The following CHL1 variants were observed in gnomAD, a reference collection of about 807,000 sequenced individuals.
CHL1 encodes cell adhesion molecule L1 like.
In CHL1, 96 loss-of-function variants were observed where a neutral mutation model predicts 141.9. The observed-to-expected ratio is 0.68, with a 90% CI of 0.57 to 0.80. CHL1 has a LOEUF of 0.80. CHL1 is among the 30% of genes least tolerant of loss of function. The pLI is 0.00. For synonymous variants in CHL1, 613 were observed against 502.2 expected (o/e 1.22, Z -2.95); for missense variants, 1,820 against 1,457.2 (o/e 1.25, Z -4.05).
chr3:298,762 C>G (rs150168185), intron 2 of CHL1, among the ~76,000 whole-genome samples: 6 of 152,212 alleles, frequency 3.9e-5, no homozygotes, highest in African/African-American at 1.2e-4. Flanking sequence ...TATTATTTGA[C>G]CATATTCCTC....
chr3:197,835 G>T (rs1177576007), intron 1 of CHL1: 1 of 455,320 alleles, frequency 2.2e-6, no homozygotes, highest in Non-Finnish European at 4.4e-6. Context: ...GTCGCGGATG[G>T]TCCCTTCTTC....
chr3:210,317 G>C (rs1699801625), intron 1 of CHL1, among the ~76,000 whole-genome samples: 6 of 152,208 alleles, frequency 3.9e-5, no homozygotes, highest in Admixed American at 3.3e-4. Flanking sequence ...CTCATGAATT[G>C]TAGGTGAGGA....
intron 24 of CHL1, 52 bp downstream of exon 24, chr3:394,924 T>C (rs916261595): frequency 7.0e-7 from 1 of 1,432,590 alleles, no homozygotes; most frequent in Middle Eastern, 1.8e-4. Flanking sequence ...AGAGACTGCA[T>C]CTTTTTAAAC....
intron 1 of CHL1, among the ~76,000 whole-genome samples, chr3:199,001 C>G (rs1302591932): frequency 1.3e-5 from 2 of 152,130 alleles, no homozygotes; most frequent in African/African-American, 2.4e-5. Flanking sequence ...CAGAGTTTTT[C>G]TTTTGTAAAT....
At chr3:217,844 C>T (rs995270989) in intron 1 of CHL1, 6 of 152,190 alleles carry the variant, frequency 3.9e-5, no homozygotes, top group African/African-American at 1.4e-4. Flanking sequence ...TTTATATATA[C>T]AAACAAAACA....
At chr3:247,738 G>A (rs1218576457) in intron 2 of CHL1, 3 of 151,996 alleles carry the variant, frequency 2.0e-5, no homozygotes, top group Admixed American at 2.0e-4. Context: ...TAGCCAAGTG[G>A]GACCCTGGTC....
At chr3:222,469 A>T (rs1487514798) in intron 1 of CHL1, among the ~76,000 whole-genome samples, 1 of 152,194 alleles carries the variant, frequency 6.6e-6, no homozygotes, top group Admixed American at 6.5e-5. Flanking sequence ...TAATTACCCA[A>T]TCAAACCCAA....
chr3:399,873 T>G (rs1309162585), intron 26 of CHL1, among the ~76,000 whole-genome samples: 1 of 152,190 alleles, frequency 6.6e-6, no homozygotes, highest in Non-Finnish European at 1.5e-5. Flanking sequence ...ACTGGTCAAT[T>G]TTGTTGGTGT....
At chr3:238,591 G>C (rs895834120) in intron 1 of CHL1, among the ~76,000 whole-genome samples, 7 of 152,022 alleles carry the variant, frequency 4.6e-5, no homozygotes, top group African/African-American at 1.7e-4. Flanking sequence ...CCCCGACCTG[G>C]ACTTAAGGAA....
intron 1 of CHL1, among the ~76,000 whole-genome samples, chr3:229,257 A>G (rs1313866743): frequency 6.6e-6 from 1 of 152,122 alleles, no homozygotes. Context: ...TTTTTTCCTA[A>G]TTGTTATGTC....
intron 4 of CHL1, among the ~76,000 whole-genome samples, chr3:327,188 A>T (rs546834149): frequency 6.6e-6 from 1 of 152,100 alleles, no homozygotes; most frequent in South Asian, 2.1e-4. Context: ...ATACATGTCC[A>T]TTGAAGGTTT....
intron 1 of CHL1, among the ~76,000 whole-genome samples, chr3:242,327 T>C (rs534186250): frequency 4.2e-5 from 6 of 142,962 alleles, no homozygotes; most frequent in Non-Finnish European, 9.3e-5. Context: ...CTGAGCGCGG[T>C]GGCTCACGCC....
intron 19 of CHL1, among the ~76,000 whole-genome samples, chr3:386,992 G>T (rs1425345026): frequency 6.6e-6 from 1 of 152,094 alleles, no homozygotes; most frequent in Non-Finnish European, 1.5e-5. Context: ...AAAACATGTT[G>T]TACATAATAA....
intron 17 of CHL1, 64 bp from the exon 18 acceptor site, chr3:382,410 A>C (rs187841498): frequency 7.4e-6 from 11 of 1,492,168 alleles, no homozygotes; most frequent in Non-Finnish European, 7.5e-6. Flanking sequence ...ATTGAGTATA[A>C]ATTTTGGTAT....
chr3:321,665 C>T (rs1424322824), intron 3 of CHL1, among the ~76,000 whole-genome samples: 1 of 152,116 alleles, frequency 6.6e-6, no homozygotes, highest in African/African-American at 2.4e-5. Flanking sequence ...TCCTGGCCCA[C>T]ATTTTTATTC....
intron 1 of CHL1, among the ~76,000 whole-genome samples, chr3:239,622 T>G (rs1692360269): frequency 6.6e-6 from 1 of 151,002 alleles, no homozygotes; most frequent in South Asian, 2.1e-4. Context: ...AAATTATTTT[T>G]TCATAGGCTT....
chr3:365,830 CAA>C (rs1249264777), intron 14 of CHL1, 118 bp from the exon 15 acceptor site: 23 of 675,898 alleles, frequency 3.4e-5, no homozygotes, highest in Non-Finnish European at 3.4e-5. Context: ...TACAGTGGGA[CAA>C]ACCCTGCATG....
chr3:328,113 T>C, intron 4 of CHL1, 54 bp from the exon 5 acceptor site: 1 of 1,406,148 alleles, frequency 7.1e-7, no homozygotes, highest in Non-Finnish European at 9.8e-7. Context: ...TAATAAGTAC[T>C]CTAAACATAT....
At chr3:303,641 A>G (rs1009747619) in intron 2 of CHL1, among the ~76,000 whole-genome samples, 21 of 152,268 alleles carry the variant, frequency 1.4e-4, no homozygotes, top group Admixed American at 3.3e-4. Flanking sequence ...GGCTGAGAAG[A>G]TGGGGTTTTC....
Sources: gnomAD v4.1 joint callset for allele counts (sites outside exome capture counted in the v4.1 genomes callset) on GRCh38, gnomAD v4.1.1 for gene constraint, MANE v1.5 for transcripts, NCBI Gene and HGNC (gene_info 2026-07-23, HGNC 2026-07-21) for gene names.